The following SLCO1B3 variants were observed in gnomAD, a reference collection of about 807,000 sequenced individuals.
The protein encoded by SLCO1B3 is liver-specific organic anion transporter 2.
Under a neutral mutation model 71.8 loss-of-function variants are expected in SLCO1B3, and 72 were observed. That is an observed-to-expected ratio of 1.00 (90% confidence interval 0.83 to 1.22). SLCO1B3 has a LOEUF of 1.22. Among genes scored for constraint, SLCO1B3 ranks in the 50% most tolerant of loss-of-function variants. The pLI is 0.00. For missense variants in SLCO1B3, 911 were observed against 819.7 expected, an observed-to-expected ratio of 1.11 and a Z score of -1.36; for synonymous variants, 298 against 278.4, an observed-to-expected ratio of 1.07 and a Z score of -0.70.
intron 3 of SLCO1B3, among the ~76,000 whole-genome samples, chr12:20,819,008 T>C (rs957999541): frequency 2.0e-5 from 3 of 152,120 alleles, no homozygotes; most frequent in Non-Finnish European, 4.4e-5. Flanking sequence ...AGAAAATAGA[T>C]TTTGGAAGTT....
At chr12:20,889,724 G>T (rs1865864141) in intron 13 of SLCO1B3, among the ~76,000 whole-genome samples, 1 of 151,814 alleles carries the variant, frequency 6.6e-6, no homozygotes, top group Non-Finnish European at 1.5e-5. Flanking sequence ...ACTATATTCT[G>T]CTAGCTTTGG....
In SLCO1B3 at chr12:20,845,941, A is replaced by T. The variant is rs1330335163; in HGVS notation, c.85-9087A>T. On this transcript the variant is annotated intron_variant, in intron 3 of 15. Coordinates refer to ENST00000381545, the MANE Select transcript of SLCO1B3 (RefSeq NM_019844.4). ...AATTTAATCTCTTTTTGTTGGATTG[A>T]TTTCTTCTATCATTATATAATCATC... is the stretch of plus-strand genomic sequence containing the variant. 2.7e-5 allele frequency among the ~76,000 whole-genome samples: 4 copies of T among 148,746 alleles called. No homozygotes were observed. In the East Asian group the frequency reaches 7.9e-4, roughly 29 times the overall value.
At chr12:20,906,511 A>G (rs1425101673) in intron 15 of SLCO1B3, among the ~76,000 whole-genome samples, 2 of 152,216 alleles carry the variant, frequency 1.3e-5, no homozygotes, top group African/African-American at 2.4e-5. Flanking sequence ...TAATGTATCA[A>G]TATTCCTTCA....
chr12:20,861,923 C>T (rs1451864429), intron 6 of SLCO1B3, among the ~76,000 whole-genome samples: 1 of 137,552 alleles, frequency 7.3e-6, no homozygotes, highest in African/African-American at 2.5e-5. Context: ...ACAGCCATGA[C>T]ATCCATGTTT....
chr12:20,845,180 G>GGC, intron 3 of SLCO1B3: 1 of 360,706 alleles, frequency 2.8e-6, no homozygotes, highest in Non-Finnish European at 5.6e-6. Context: ...CTATGTACAA[G>GGC]GTAGCCACAT....
Position 20,901,394 on chromosome 12 carries a change from A to G in SLCO1B3, c.1792A>G (p.Thr598Ala). 3 of 1,592,526 alleles carry G rather than the reference A, an allele frequency of 1.9e-6. No homozygotes were observed. In the South Asian group the frequency reaches 3.5e-5, roughly 19 times the overall value. Reference protein sequence around the residue: ...PIYFGALIDKTCMKWSTNSCG... With the variant: ...PIYFGALIDKACMKWSTNSCG... ...ATATTTTGGGGCTCTGATTGATAAA[A>G]CATGTATGAAGTGGTCCACCAACAG... The change falls in exon 15 of 16, where the codon ACA (threonine) becomes GCA (alanine). Residue 598 changes from threonine (T) to alanine (A), a missense_variant. Coordinates refer to ENST00000381545, the MANE Select transcript of SLCO1B3 (RefSeq NM_019844.4).
rs372178542 is a variant in SLCO1B3, at chr12:20,839,113, CATT to C, written c.85-15914_85-15912del. ...TATTCTTCTCTCCCGTTTATTGCAT[CATT>C]GTGTCATTCTTTTTATTTTAGTGTA... On this transcript the variant is annotated intron_variant, in intron 3 of 15. Coordinates refer to ENST00000381545, the MANE Select transcript of SLCO1B3 (RefSeq NM_019844.4). Among the ~76,000 whole-genome samples the C allele has an allele frequency of 2.6e-3, 389 of 152,026 alleles. 2 individuals are homozygous for C. The highest frequency in any genetic ancestry group is 8.7e-3 in the African/African-American group (360 of 41,544).
intron 3 of SLCO1B3, among the ~76,000 whole-genome samples, chr12:20,834,916 C>T (rs1864643546): frequency 6.6e-6 from 1 of 152,204 alleles, no homozygotes; most frequent in South Asian, 2.1e-4. Context: ...TCCCTTCTGA[C>T]TGCCATACTG....
At chr12:20,829,725 A>G (rs960518207) in intron 3 of SLCO1B3, among the ~76,000 whole-genome samples, 1 of 152,202 alleles carries the variant, frequency 6.6e-6, no homozygotes, top group African/African-American at 2.4e-5. Flanking sequence ...TAGCTATTCC[A>G]TAGAGAGAGC....
chr12:20,864,397 T>C (rs920454872), intron 8 of SLCO1B3, among the ~76,000 whole-genome samples: 1 of 152,170 alleles, frequency 6.6e-6, no homozygotes, highest in Non-Finnish European at 1.5e-5. Context: ...TGATTTTCTA[T>C]CTCTTGAGGA....
At chr12:20,897,879 G>A (rs2120364014) in intron 13 of SLCO1B3, among the ~76,000 whole-genome samples, 1 of 152,274 alleles carries the variant, frequency 6.6e-6, no homozygotes, top group East Asian at 1.9e-4. Context: ...ATTTCCAAGT[G>A]AGGATACAAA....
At chr12:20,900,498 A>G (rs1866107426) in intron 14 of SLCO1B3, among the ~76,000 whole-genome samples, 2 of 152,228 alleles carry the variant, frequency 1.3e-5, no homozygotes, top group Admixed American at 1.3e-4. Context: ...CAGAATTTAT[A>G]CTTCTCCTAT....
At chr12:20,866,995 T>C (rs1223891219) in intron 8 of SLCO1B3, among the ~76,000 whole-genome samples, 1 of 152,132 alleles carries the variant, frequency 6.6e-6, no homozygotes, top group African/African-American at 2.4e-5. Context: ...CCTTCCATGC[T>C]TTGTTCCTGA....
At chr12:20,872,789 T>A (rs1865498872) in intron 8 of SLCO1B3, among the ~76,000 whole-genome samples, 4 of 152,102 alleles carry the variant, frequency 2.6e-5, no homozygotes, top group Non-Finnish European at 5.9e-5. Context: ...GCTGAGCTGG[T>A]ATTAGAAAAA....
intron 13 of SLCO1B3, among the ~76,000 whole-genome samples, chr12:20,887,917 G>A (rs753928371): frequency 2.0e-5 from 3 of 151,644 alleles, no homozygotes; most frequent in Non-Finnish European, 4.4e-5. Flanking sequence ...TGAGAGATAC[G>A]GGTTCAATTT....
rs938990582 is a variant in SLCO1B3, at chr12:20,901,397, T to C, written c.1795T>C (p.Cys599Arg). 9 of 1,590,886 alleles carry C rather than the reference T, an allele frequency of 5.7e-6. No homozygotes were observed. The highest frequency in any genetic ancestry group is 7.7e-6 in the Non-Finnish European group (9 of 1,172,402). Residue 599 changes from cysteine to arginine, a missense_variant, in exon 15 of 16, where the codon TGT becomes CGT. Transcript: ENST00000381545. Reference sequence around the variant, plus strand: ...TTTTGGGGCTCTGATTGATAAAACATGTATGAAGTGGTCCACCAACAGCTG... The same window carrying C: ...TTTTGGGGCTCTGATTGATAAAACACGTATGAAGTGGTCCACCAACAGCTG... ...IYFGALIDKT[C>R]MKWSTNSCGA...
At chr12:20,853,267 GCCACATTAA>G (rs1180002771) in intron 3 of SLCO1B3, among the ~76,000 whole-genome samples, 3 of 151,764 alleles carry the variant, frequency 2.0e-5, no homozygotes, top group African/African-American at 7.3e-5. Flanking sequence ...GGTAATTCTG[GCCACATTAA>G]GTGAATTTTG....
chr12:20,831,374 A>T (rs988328241), intron 3 of SLCO1B3, among the ~76,000 whole-genome samples: 2 of 151,826 alleles, frequency 1.3e-5, no homozygotes, highest in East Asian at 3.9e-4. Flanking sequence ...AAAAAAAAAA[A>T]AAAAGCCAGG....
At chr12:20,884,427 A>G (rs1398346921) in intron 13 of SLCO1B3, among the ~76,000 whole-genome samples, 1 of 152,176 alleles carries the variant, frequency 6.6e-6, no homozygotes, top group Non-Finnish European at 1.5e-5. Context: ...GATGTAAAGA[A>G]AAAGCCAAAT....
Sources: gnomAD v4.1 joint callset for allele counts (sites outside exome capture counted in the v4.1 genomes callset) on GRCh38, gnomAD v4.1.1 for gene constraint, MANE v1.5 for transcripts, NCBI Gene and HGNC (gene_info 2026-07-23, HGNC 2026-07-21) for gene names.